Variants in NSMCE1 observed in about 807,000 individuals in gnomAD.
NSMCE1 encodes the protein non-structural maintenance of chromosomes element 1 homolog.
NSMCE1 carries 18 observed loss-of-function variants against 29.6 expected under a neutral mutation model. The ratio of observed to expected loss-of-function variants is 0.61; its 90% CI spans 0.42 to 0.90. The LOEUF (loss-of-function observed/expected upper bound fraction) is 0.90, where lower values mean the gene tolerates loss of function less well. Among genes scored for constraint, NSMCE1 ranks in the 40% least tolerant of loss-of-function variants. The pLI is 0.00. For synonymous variants in NSMCE1, 124 were observed against 133.4 expected (o/e 0.93, Z 0.49); for missense variants, 314 against 343.6 (o/e 0.91, Z 0.68).
chr16:27,251,956 TCCTCAACGCAGGGAGGCTG>T lies in NSMCE1; in HGVS notation c.136+5460_136+5478del, dbSNP rs574523487. Among the ~76,000 whole-genome samples, 631 of 152,284 alleles carry T rather than the reference TCCTCAACGCAGGGAGGCTG, an allele frequency of 4.1e-3. 3 individuals carry two copies. The highest frequency in any genetic ancestry group is 7.2e-3 in the Non-Finnish European group (492 of 67,998). On this transcript the variant is annotated intron_variant, in intron 2 of 7. Transcript: ENST00000361439. ...GTCTCCCTGAACTCTCATCTCCATCTCCTCAACGCAGGGAGGCTGCCTAGCTCTGCCTGGGTTTCCCCTG... is the reference window on the plus strand; with the variant it reads ...GTCTCCCTGAACTCTCATCTCCATCTCCTAGCTCTGCCTGGGTTTCCCCTG...
intron 2 of NSMCE1, among the ~76,000 whole-genome samples, chr16:27,237,418 CCA>C (rs1249974480): frequency 6.6e-6 from 1 of 152,242 alleles, no homozygotes; most frequent in East Asian, 1.9e-4. Flanking sequence ...TCTTCCTCTT[CCA>C]CAGCATGCAA....
chr16:27,229,639 C>T (rs888396550), intron 5 of NSMCE1, among the ~76,000 whole-genome samples: 1 of 152,198 alleles, frequency 6.6e-6, no homozygotes, highest in East Asian at 1.9e-4. Context: ...TGCAATGGCA[C>T]GATCTCAGCT....
chr16:27,244,243 A>G (rs899718236), intron 2 of NSMCE1, among the ~76,000 whole-genome samples: 2 of 152,074 alleles, frequency 1.3e-5, no homozygotes, highest in African/African-American at 4.8e-5. Context: ...TCCGTGGAGG[A>G]CTCAATTTGG....
chr16:27,233,236 A>G (rs971979970), intron 4 of NSMCE1, 89 bp from the exon 5 acceptor site: 1 of 1,107,276 alleles, frequency 9.0e-7, no homozygotes, highest in Middle Eastern at 2.2e-4. Flanking sequence ...GAGGCACAGT[A>G]AAACCACTCA....
In NSMCE1 at chr16:27,241,695, G is replaced by A. The variant is rs115190707; in HGVS notation, c.137-6396C>T. On this transcript the variant is annotated intron_variant, in intron 2 of 7. Coordinates refer to ENST00000361439, the MANE Select transcript of NSMCE1 (RefSeq NM_145080.4). ...CAGTGAACAATGCTGGGAAGAGCCG[G>A]GTGGAAGGAGAGTGGCTGGTCTGTG... 1,645 of 259,484 alleles carry A rather than the reference G, an allele frequency of 6.3e-3. 29 individuals are homozygous for A. Among genetic ancestry groups the A allele is most frequent in the African/African-American group, 0.035 (1,577 of 44,750 alleles). 16.1% of individuals were successfully genotyped at this position (259,484 alleles called of 1,614,324 possible). A position where few individuals can be genotyped will look rare whatever the true frequency, so the allele number is the denominator to read the frequency against.
chr16:27,267,555 A>G (rs953680525), intron 1 of NSMCE1, among the ~76,000 whole-genome samples: 2 of 152,018 alleles, frequency 1.3e-5, no homozygotes, highest in African/African-American at 4.8e-5. Flanking sequence ...AACAACTACA[A>G]TCCAGGTCCC....
intron 5 of NSMCE1, among the ~76,000 whole-genome samples, chr16:27,229,846 T>C (rs1461694956): frequency 6.6e-6 from 1 of 152,190 alleles, no homozygotes; most frequent in African/African-American, 2.4e-5. Flanking sequence ...CCCAAAATGC[T>C]GGAATTACAG....
intron 5 of NSMCE1, among the ~76,000 whole-genome samples, chr16:27,228,972 C>T (rs1192184992): frequency 6.6e-6 from 1 of 152,088 alleles, no homozygotes; most frequent in African/African-American, 2.4e-5. Context: ...CTCTCTGAGC[C>T]CACTCTCCTC....
At chr16:27,255,573 T>C (rs1419122299) in intron 2 of NSMCE1, among the ~76,000 whole-genome samples, 1 of 152,228 alleles carries the variant, frequency 6.6e-6, no homozygotes, top group Admixed American at 6.5e-5. Context: ...GTTCCTGGCA[T>C]TACTGAGCTC....
At chr16:27,252,647 G>A (rs186417784) in intron 2 of NSMCE1, among the ~76,000 whole-genome samples, 132 of 152,280 alleles carry the variant, frequency 8.7e-4, no homozygotes, top group Non-Finnish European at 1.6e-3. Flanking sequence ...AGCCGGGCGC[G>A]GTGGCTCATG....
At chr16:27,225,549 G>A (rs1030567584) in intron 7 of NSMCE1, among the ~76,000 whole-genome samples, 177 bp downstream of exon 7, 2 of 152,240 alleles carry the variant, frequency 1.3e-5, no homozygotes, top group Non-Finnish European at 2.9e-5. Flanking sequence ...CTCTGGAGCG[G>A]TGCACGTAGC....
intron 6 of NSMCE1, chr16:27,226,047 T>G (rs757546582): frequency 1.7e-6 from 1 of 580,088 alleles, no homozygotes; most frequent in Non-Finnish European, 3.0e-6. Context: ...TGGGTTTTAC[T>G]AAACAATTCT....
intron 2 of NSMCE1, among the ~76,000 whole-genome samples, chr16:27,251,514 T>C (rs2084035425): frequency 6.6e-6 from 1 of 152,164 alleles, no homozygotes; most frequent in African/African-American, 2.4e-5. Context: ...TAGATTAGAT[T>C]TGCCACAGTT....
chr16:27,225,181 C>G lies in NSMCE1; in HGVS notation c.777G>C (p.Lys259Asn), dbSNP rs1267699016. 1 of 1,605,936 alleles carries G rather than the reference C, an allele frequency of 6.2e-7. No homozygotes were observed. Among genetic ancestry groups the G allele is most frequent in the South Asian group, 1.1e-5 (1 of 89,550 alleles). The change falls in exon 8 of 8, where the codon AAG becomes AAC. Residue 259 changes from lysine (K) to asparagine (N), a missense_variant. Physicochemically the swap from Lys to Asn is moderately conservative, Grantham distance 94. Coordinates refer to ENST00000361439, the MANE Select transcript of NSMCE1 (RefSeq NM_145080.4). ...GCTAATGCTGCCTGGACCGCAGGGA[C>G]TTTTTGTTCGATTTCAAGACACCAG... ...RESGVLKSNK[K>N]SLRSRQH is the part of the protein sequence containing the mutation.
At chr16:27,226,156 T>G in intron 6 of NSMCE1, 1 of 253,126 alleles carries the variant, frequency 4.0e-6, no homozygotes. Flanking sequence ...CAGAAGCTTA[T>G]TTGCTAATGT....
In NSMCE1 at chr16:27,232,062, T is replaced by C. The variant is rs1200536004; in HGVS notation, c.483+939A>G. On this transcript the variant is annotated intron_variant, in intron 5 of 7. Coordinates refer to ENST00000361439, the MANE Select transcript of NSMCE1 (RefSeq NM_145080.4). The surrounding 1 kb of genome is among the most constrained non-coding windows in gnomAD (Gnocchi z 4.5). ...GTTCCTGGGACAGGCCCACCCTAAA[T>C]AGAAATCAGTAACTCAGAACACAGA... is the stretch of plus-strand genomic sequence containing the variant. Among the ~76,000 whole-genome samples, 1 of 152,042 alleles carries C rather than the reference T, an allele frequency of 6.6e-6. No homozygotes were observed. Among genetic ancestry groups the C allele is most frequent in the Admixed American group, 6.6e-5 (1 of 15,266 alleles).
intron 2 of NSMCE1, among the ~76,000 whole-genome samples, chr16:27,236,964 C>A (rs1025923388): frequency 2.0e-5 from 3 of 151,430 alleles, no homozygotes; most frequent in African/African-American, 4.9e-5. Context: ...AAAAAAAAAA[C>A]AACAGAAGAT....
At chr16:27,249,413 T>C (rs2083997643) in intron 2 of NSMCE1, among the ~76,000 whole-genome samples, 1 of 152,372 alleles carries the variant, frequency 6.6e-6, no homozygotes, top group Middle Eastern at 3.4e-3. Context: ...TTTCAGGTTT[T>C]ACATTTAGGT....
Position 27,233,141 on chromosome 16 carries a change from G to A in NSMCE1, c.343C>T (p.Leu115=), listed in dbSNP as rs535143639. The A allele has an allele frequency of 3.7e-6, 6 of 1,611,454 alleles. No individual in the cohort carries two copies. In the African/African-American group the frequency reaches 8.0e-5, roughly 22 times the overall value. Residue 115 remains leucine (L), a synonymous_variant, in exon 5 of 8, where the codon CTG becomes TTG. Coordinates refer to ENST00000361439, the MANE Select transcript of NSMCE1 (RefSeq NM_145080.4). ...ELDLFRKALE[L]IIDSETGFAS... ...AAGCCGGTTTCTGAGTCAATAATCAGTTCCAGCTGGAAGAAAGAGCAGGTA... is the reference window on the plus strand; with the variant it reads ...AAGCCGGTTTCTGAGTCAATAATCAATTCCAGCTGGAAGAAAGAGCAGGTA...
Sources: gnomAD v4.1 joint callset for allele counts (sites outside exome capture counted in the v4.1 genomes callset) on GRCh38, gnomAD v4.1.1 for gene constraint, Gnocchi (gnomAD v3.1) non-coding constraint, MANE v1.5 for transcripts, NCBI Gene and HGNC (gene_info 2026-07-23, HGNC 2026-07-21) for gene names.